Variants in PRKG1 observed in about 807,000 individuals in gnomAD.
PRKG1 encodes the protein protein kinase cGMP-dependent 1, also known as cGMP-dependent protein kinase 1.
In PRKG1, 35 loss-of-function variants were observed where a neutral mutation model predicts 88.1. The observed-to-expected ratio is 0.40, with a 90% confidence interval of 0.30 to 0.53. The LOEUF (loss-of-function observed/expected upper bound fraction) is 0.53. Among genes scored for constraint, PRKG1 ranks in the 20% least tolerant of loss-of-function variants. The probability of loss-of-function intolerance (pLI) is 0.59; values close to 1 mark genes in which losing one functional copy is unlikely to be tolerated. For synonymous variants in PRKG1, 303 were observed against 292.5 expected (o/e 1.04, Z -0.37); for missense variants, 540 against 839.8 (o/e 0.64, Z 4.41).
At chr10:51,752,298 A>G (rs1021576538) in intron 3 of PRKG1, among the ~76,000 whole-genome samples, 1 of 152,232 alleles carries the variant, frequency 6.6e-6, no homozygotes, top group Admixed American at 6.5e-5. Flanking sequence ...GAAAACTTGC[A>G]TGTTTCCTAA....
At chr10:51,484,254 C>T (rs1009451523) in intron 3 of PRKG1, among the ~76,000 whole-genome samples, 2 of 152,168 alleles carry the variant, frequency 1.3e-5, no homozygotes, top group Admixed American at 1.3e-4. Flanking sequence ...TGTCCCTTTA[C>T]CTGAGCCCTA....
chr10:52,267,218 A>AAT (rs1369490490), intron 10 of PRKG1, among the ~76,000 whole-genome samples: 1 of 151,552 alleles, frequency 6.6e-6, no homozygotes, highest in Non-Finnish European at 1.5e-5. Context: ...AGGCTCAACA[A>AAT]ATACAAATTG....
intron 3 of PRKG1, among the ~76,000 whole-genome samples, chr10:51,738,021 A>G (rs1398133721): frequency 6.6e-6 from 1 of 150,936 alleles, no homozygotes; most frequent in Non-Finnish European, 1.5e-5. Flanking sequence ...GCCCACCTCC[A>G]CCTCCCAAAG....
intron 5 of PRKG1, among the ~76,000 whole-genome samples, chr10:51,988,631 C>CCATAAG (rs1443644163): frequency 7.2e-5 from 11 of 152,124 alleles, no homozygotes; most frequent in Non-Finnish European, 1.2e-4. Context: ...TAAGTATTGG[C>CCATAAG]TATTCAGGTT....
At position 51,365,722 on chromosome 10, in the gene PRKG1, A is replaced by G. The variant is rs1414027169; in HGVS notation, c.479-102001A>G. Among the ~76,000 whole-genome samples, 3 of 151,924 alleles carry G rather than the reference A, an allele frequency of 2.0e-5. No individual in the cohort carries two copies. In the East Asian group the frequency reaches 5.8e-4, roughly 29 times the overall value. On this transcript the variant is annotated intron_variant, in intron 2 of 17. Coordinates refer to ENST00000373980, the MANE Select transcript of PRKG1 (RefSeq NM_006258.4). ...TTAACCAGATTCCTAGGGGATTCAA[A>G]TGTACAATCAAGTTTGAGAAACATC...
chr10:51,970,517 T>C (rs1843682932), intron 5 of PRKG1, among the ~76,000 whole-genome samples: 1 of 151,120 alleles, frequency 6.6e-6, no homozygotes, highest in Admixed American at 6.6e-5. Context: ...GAAAATAAAT[T>C]GTATTATGAA....
At chr10:52,058,982 G>GT (rs1365438832) in intron 6 of PRKG1, among the ~76,000 whole-genome samples, 1 of 151,440 alleles carries the variant, frequency 6.6e-6, no homozygotes, top group Non-Finnish European at 1.5e-5. Context: ...AAACACCAAA[G>GT]TACCCACTTT....
chr10:51,124,737 T>C (rs1845354855), intron 1 of PRKG1, among the ~76,000 whole-genome samples: 1 of 152,166 alleles, frequency 6.6e-6, no homozygotes, highest in African/African-American at 2.4e-5. Context: ...ATCCTTTTGT[T>C]TGCTTACAAA....
intron 10 of PRKG1, among the ~76,000 whole-genome samples, chr10:52,259,978 CT>C (rs1384932548): frequency 6.6e-6 from 1 of 151,868 alleles, no homozygotes; most frequent in Non-Finnish European, 1.5e-5. Flanking sequence ...TTATCTTTTT[CT>C]TTTTCTTTTT....
chr10:51,986,728 T>A (rs1374607717), intron 5 of PRKG1, among the ~76,000 whole-genome samples: 2 of 152,190 alleles, frequency 1.3e-5, no homozygotes, highest in Non-Finnish European at 2.9e-5. Context: ...AAACCTCAGC[T>A]GCAGTGATGT....
chr10:51,254,098 TACAC>T (rs375804126), intron 2 of PRKG1, among the ~76,000 whole-genome samples: 1 of 151,872 alleles, frequency 6.6e-6, no homozygotes, highest in Non-Finnish European at 1.5e-5. Flanking sequence ...TATACACACA[TACAC>T]ACACACTATA....
chr10:51,486,246 C>T (rs920508885), intron 3 of PRKG1, among the ~76,000 whole-genome samples: 10 of 152,052 alleles, frequency 6.6e-5, no homozygotes, highest in Non-Finnish European at 1.3e-4. Flanking sequence ...TCTCCATCCC[C>T]CTTTCCCCCA....
At chr10:51,228,349 C>G (rs77099947) in intron 2 of PRKG1, among the ~76,000 whole-genome samples, 4,796 of 152,250 alleles carry the variant, frequency 0.032, 100 homozygotes, top group Non-Finnish European at 0.052. Context: ...GCCACACTCT[C>G]TTAGTCTAAG....
chr10:51,624,287 T>G (rs561774684), intron 3 of PRKG1, among the ~76,000 whole-genome samples: 1 of 152,308 alleles, frequency 6.6e-6, no homozygotes, highest in South Asian at 2.1e-4. Context: ...ATGTAAGTGT[T>G]CTTTTAGGAT....
intron 7 of PRKG1, among the ~76,000 whole-genome samples, chr10:52,107,256 G>C (rs371569949): frequency 6.6e-6 from 1 of 152,264 alleles, no homozygotes; most frequent in East Asian, 1.9e-4. Flanking sequence ...CCAATGGAAG[G>C]GTTACCTCAA....
chr10:51,174,101 A>C (rs1170297472), intron 2 of PRKG1, among the ~76,000 whole-genome samples: 1 of 151,914 alleles, frequency 6.6e-6, no homozygotes, highest in Non-Finnish European at 1.5e-5. Context: ...ACAAAAATAT[A>C]AGTATGTGAG....
intron 1 of PRKG1, among the ~76,000 whole-genome samples, chr10:51,112,228 A>C (rs1428582873): frequency 6.6e-6 from 1 of 152,146 alleles, no homozygotes; most frequent in East Asian, 1.9e-4. Flanking sequence ...TAATACTTTT[A>C]AAACATGTAC....
chr10:51,792,345 T>C (rs1294679707), intron 3 of PRKG1, among the ~76,000 whole-genome samples: 1 of 152,122 alleles, frequency 6.6e-6, no homozygotes, highest in African/African-American at 2.4e-5. Context: ...CCTGTTCTTT[T>C]GCCTAATATA....
Position 51,406,136 on chromosome 10 carries a change from G to T in PRKG1, c.479-61587G>T, listed in dbSNP as rs146216225. 7.2e-4 allele frequency among the ~76,000 whole-genome samples: 110 copies of T among 152,164 alleles called. 1 individual carries two copies. The highest frequency in any genetic ancestry group is 1.3e-3 in the Non-Finnish European group (90 of 68,012). On this transcript the variant is annotated intron_variant, in intron 2 of 17. Coordinates refer to ENST00000373980, the MANE Select transcript of PRKG1 (RefSeq NM_006258.4). Reference sequence around the variant, plus strand: ...TGTCTTAATGATGTTAACTACCCTGGTGGATAAGCACAGCAGCCCGCAGCC... The same window carrying T: ...TGTCTTAATGATGTTAACTACCCTGTTGGATAAGCACAGCAGCCCGCAGCC...
Sources: gnomAD v4.1 joint callset for allele counts (sites outside exome capture counted in the v4.1 genomes callset) on GRCh38, gnomAD v4.1.1 for gene constraint, MANE v1.5 for transcripts, NCBI Gene and HGNC (gene_info 2026-07-23, HGNC 2026-07-21) for gene names.